TMEM17: variants seen among roughly 807,000 people sequenced by gnomAD.
TMEM17 encodes transmembrane protein 17.
TMEM17 carries 15 observed loss-of-function variants against 19.1 expected under a neutral mutation model. The observed-to-expected ratio is 0.78, with a 90% confidence interval of 0.52 to 1.21. The LOEUF is 1.21. Ranked by LOEUF, TMEM17 falls within the 50% of genes most tolerant of loss-of-function variation. TMEM17 has a pLI of 0.00. For synonymous variants in TMEM17, 103 were observed against 86.9 expected (o/e 1.19, Z -1.03); for missense variants, 245 against 242.3 (o/e 1.01, Z -0.07).
At chr2:62,504,249 A>G (rs567617511) in intron 1 of TMEM17, among the ~76,000 whole-genome samples, 1 of 152,346 alleles carries the variant, frequency 6.6e-6, no homozygotes, top group East Asian at 1.9e-4. Flanking sequence ...TACCACTGAT[A>G]AAGGAATGAA....
At chr2:62,497,013 C>T (rs571578646), downstream of TMEM17, among the ~76,000 whole-genome samples, 21 of 152,144 alleles carry the variant, frequency 1.4e-4, no homozygotes, top group South Asian at 4.2e-4. Flanking sequence ...ATAAGAAAGG[C>T]GGTGAGTATT....
chr2:62,465,899 A>C, the TMEM17 span, among the ~76,000 whole-genome samples: 1 of 152,158 alleles, frequency 6.6e-6, no homozygotes, highest in Non-Finnish European at 1.5e-5. Flanking sequence ...GCAAAAGCAG[A>C]AGTCTTTTAA....
chr2:62,459,999 G>A, the TMEM17 span, among the ~76,000 whole-genome samples: 1,883 of 152,292 alleles, frequency 0.012, 43 homozygotes, highest in African/African-American at 0.044. Context: ...CCTTATGCAA[G>A]CAAAGTAAGG....
chr2:62,476,743 A>G, the TMEM17 span, among the ~76,000 whole-genome samples: 12 of 152,218 alleles, frequency 7.9e-5, no homozygotes, highest in African/African-American at 2.9e-4. Context: ...AGGGGAATTT[A>G]GAAATTGTTG....
Position 62,501,096 on chromosome 2 carries a change from G to T in TMEM17, c.*113C>A. 8.2e-7 allele frequency: 1 copy of T among 1,215,936 alleles called. No homozygotes were observed. The highest frequency in any genetic ancestry group is 1.5e-5 in the African/African-American group (1 of 66,050). 75.3% of individuals were successfully genotyped at this position (1,215,936 alleles called of 1,614,324 possible). On this transcript the variant is annotated 3_prime_UTR_variant, in exon 4 of 4. Transcript: ENST00000335390. ...CCCCAACCTTGGAATTTCAGAGTGAGAGCATATACAATTCAAAACACTTGC... is the reference window on the plus strand; with the variant it reads ...CCCCAACCTTGGAATTTCAGAGTGATAGCATATACAATTCAAAACACTTGC...
rs751459179 is a variant in TMEM17 at position 62,506,124 on chromosome 2, C to T, written c.6G>A (p.Glu2=). 2.5e-6 allele frequency: 4 copies of T among 1,608,674 alleles called. No individual in the cohort carries two copies. In the South Asian group the frequency reaches 4.4e-5, roughly 18 times the overall value. Reference sequence around the variant, plus strand: ...GCCGCTGGCGCACCGGATCCGGCAGCTCCATGCCTGGGCCTCAGTATCCCT... The same window carrying T: ...GCCGCTGGCGCACCGGATCCGGCAGTTCCATGCCTGGGCCTCAGTATCCCT... M[E]LPDPVRQRLG... is the part of the protein sequence containing the mutation. The change falls in exon 1 of 4, where the codon GAG becomes GAA. Residue 2 remains glutamate (E), a synonymous_variant. Coordinates refer to ENST00000335390, the MANE Select transcript of TMEM17 (RefSeq NM_198276.3).
chr2:62,499,179 T>G (rs1454136360), downstream of TMEM17, among the ~76,000 whole-genome samples: 1 of 152,204 alleles, frequency 6.6e-6, no homozygotes, highest in Non-Finnish European at 1.5e-5. Flanking sequence ...TTTCTCAAAC[T>G]TTTTACAGTT....
In TMEM17 at chr2:62,500,338, A is replaced by C. The variant is rs1251186875; in HGVS notation, c.*871T>G. 6.6e-6 allele frequency: 1 copy of C among 152,220 alleles called. No homozygotes were observed. The highest frequency in any genetic ancestry group is 1.5e-5 in the Non-Finnish European group (1 of 68,036). 9.4% of individuals were successfully genotyped at this position (152,220 alleles called of 1,614,324 possible). On this transcript the variant is annotated 3_prime_UTR_variant, in exon 4 of 4. Coordinates refer to ENST00000335390, the MANE Select transcript of TMEM17 (RefSeq NM_198276.3). ...ATTTTATAACAAAAATATTTCCTAA[A>C]TACCAAGGCAATCCACCTGTTTTCT...
the TMEM17 span, among the ~76,000 whole-genome samples, chr2:62,459,431 G>C: frequency 6.6e-6 from 1 of 152,268 alleles, no homozygotes; most frequent in South Asian, 2.1e-4. Context: ...GTGACTTGCT[G>C]CTCGGGCAGG....
chr2:62,503,782 C>A lies in TMEM17; in HGVS notation c.101-988G>T, dbSNP rs79945928. 3.2e-3 allele frequency among the ~76,000 whole-genome samples: 484 copies of A among 152,298 alleles called. 3 individuals are homozygous for A. Among genetic ancestry groups the A allele is most frequent in the African/African-American group, 0.011 (461 of 41,572 alleles). On this transcript the variant is annotated intron_variant, in intron 1 of 3. Coordinates refer to ENST00000335390, the MANE Select transcript of TMEM17 (RefSeq NM_198276.3). ...ATAGAATCTAGCATCTTGCTTTCCA[C>A]GCAGTGAATATCAAATACACATAAG...
the TMEM17 span, among the ~76,000 whole-genome samples, chr2:62,485,199 C>A: frequency 6.6e-6 from 1 of 152,210 alleles, no homozygotes; most frequent in African/African-American, 2.4e-5. Context: ...CTTGGCCTCC[C>A]AAAGTGCTAG....
At chr2:62,497,437 ACCCTTC>A (rs1434334887), downstream of TMEM17, among the ~76,000 whole-genome samples, 1 of 152,152 alleles carries the variant, frequency 6.6e-6, no homozygotes. Flanking sequence ...CTTCTCATGT[ACCCTTC>A]CCACTAGCCT....
At chr2:62,462,934 C>T in the TMEM17 span, among the ~76,000 whole-genome samples, 10 of 152,172 alleles carry the variant, frequency 6.6e-5, no homozygotes, top group Admixed American at 2.6e-4. Flanking sequence ...TTCCTCTGTC[C>T]GGACTTGGGT....
At chr2:62,460,612 T>A in the TMEM17 span, among the ~76,000 whole-genome samples, 1 of 152,244 alleles carries the variant, frequency 6.6e-6, no homozygotes, top group Admixed American at 6.5e-5. Flanking sequence ...ATCCACTGTA[T>A]GTATAAAAGG....
the TMEM17 span, among the ~76,000 whole-genome samples, chr2:62,480,564 C>T: frequency 3.9e-5 from 6 of 152,124 alleles, no homozygotes; most frequent in African/African-American, 1.4e-4. Context: ...AGATTTAGGT[C>T]TCAGATCCAC....
the TMEM17 span, among the ~76,000 whole-genome samples, chr2:62,487,910 G>A: frequency 6.6e-6 from 1 of 152,188 alleles, no homozygotes; most frequent in Non-Finnish European, 1.5e-5. Context: ...GGCCAGGCTG[G>A]TCTCGAACTC....
chr2:62,469,961 CT>C, the TMEM17 span, among the ~76,000 whole-genome samples: 55 of 152,290 alleles, frequency 3.6e-4, 1 homozygote, highest in Middle Eastern at 0.017. Context: ...GTCCCAGGGC[CT>C]CTGCCTTTGT....
downstream of TMEM17, among the ~76,000 whole-genome samples, chr2:62,499,165 C>T (rs556622934): frequency 1.1e-4 from 16 of 152,014 alleles, no homozygotes; most frequent in Non-Finnish European, 2.1e-4. Context: ...TTTGATAAAT[C>T]AATTTTCTCA....
At chr2:62,493,557 C>T in the TMEM17 span, among the ~76,000 whole-genome samples, 1 of 152,156 alleles carries the variant, frequency 6.6e-6, no homozygotes, top group South Asian at 2.1e-4. Context: ...CCCTGAAAAA[C>T]AGCACAGAAT....
Sources: gnomAD v4.1 joint callset for allele counts (sites outside exome capture counted in the v4.1 genomes callset) on GRCh38, gnomAD v4.1.1 for gene constraint, MANE v1.5 for transcripts, NCBI Gene and HGNC (gene_info 2026-07-23, HGNC 2026-07-21) for gene names.